The following AP4S1 variants were observed in gnomAD, a reference collection of about 807,000 sequenced individuals.
AP4S1 encodes AP-4 complex subunit sigma-1.
In AP4S1, 23 loss-of-function variants were observed where a neutral mutation model predicts 19.8. The observed-to-expected ratio is 1.16, with a 90% confidence interval of 0.84 to 1.65. The LOEUF (loss-of-function observed/expected upper bound fraction) is 1.65. Among genes scored for constraint, AP4S1 ranks in the 40% most tolerant of loss-of-function variants. AP4S1 has a pLI of 0.00. For missense variants in AP4S1, 166 were observed against 172.8 expected, an observed-to-expected ratio of 0.96 and a Z score of 0.22; for synonymous variants, 46 against 54.1, an observed-to-expected ratio of 0.85 and a Z score of 0.66.
chr14:31,069,846 T>C lies in AP4S1; in HGVS notation c.142T>C (p.Ser48Pro). 1 of 1,610,418 alleles carries C rather than the reference T, an allele frequency of 6.2e-7. No individual in the cohort carries two copies. The highest frequency in any genetic ancestry group is 1.3e-5 in the African/African-American group (1 of 74,954). ...SCLSRSNEQC[S>P]FIEYKDFKLI... Reference sequence around the variant, plus strand: ...TATCTCATTGTGTTTTGTCTAGTGCTCTTTCATTGAATATAAGGATTTTAA... The same window carrying C: ...TATCTCATTGTGTTTTGTCTAGTGCCCTTTCATTGAATATAAGGATTTTAA... Residue 48 changes from serine (S) to proline (P), a missense_variant, in exon 3 of 6, where the codon TCT becomes CCT. Transcript: ENST00000542754.
chr14:31,049,513 A>T (rs1198614667), intron 1 of AP4S1, among the ~76,000 whole-genome samples: 2 of 145,594 alleles, frequency 1.4e-5, no homozygotes, highest in Non-Finnish European at 1.5e-5. Flanking sequence ...ACACACATAA[A>T]TTACCCTCAA....
intron 1 of AP4S1, among the ~76,000 whole-genome samples, chr14:31,055,432 T>C (rs1886052609): frequency 6.6e-6 from 1 of 152,210 alleles, no homozygotes; most frequent in Non-Finnish European, 1.5e-5. Flanking sequence ...CTAGGAATGT[T>C]ACATATCCTA....
At chr14:31,057,209 G>A (rs1307546853) in intron 1 of AP4S1, among the ~76,000 whole-genome samples, 1 of 152,196 alleles carries the variant, frequency 6.6e-6, no homozygotes, top group African/African-American at 2.4e-5. Context: ...CTACATCTCT[G>A]ATCAGTTTTC....
chr14:31,047,451 G>A (rs1377774310), intron 1 of AP4S1, among the ~76,000 whole-genome samples: 3 of 148,688 alleles, frequency 2.0e-5, no homozygotes, highest in African/African-American at 2.5e-5. Context: ...GCAGTGGCGC[G>A]ATCTTGACTC....
At chr14:31,026,442 T>A in intron 1 of AP4S1, 1 of 407,926 alleles carries the variant, frequency 2.5e-6, no homozygotes, top group South Asian at 5.3e-5. Context: ...GGGGGGAGAG[T>A]TGGGAAGGGG....
At chr14:31,033,435 A>T (rs1249574125) in intron 1 of AP4S1, among the ~76,000 whole-genome samples, 43 of 152,054 alleles carry the variant, frequency 2.8e-4, no homozygotes, top group Admixed American at 2.8e-3. Context: ...GCTGGCCTTG[A>T]ACTCCTGACC....
At chr14:31,071,930 T>TTG (rs1887032035) in intron 3 of AP4S1, among the ~76,000 whole-genome samples, 1 of 150,370 alleles carries the variant, frequency 6.7e-6, no homozygotes, top group South Asian at 2.1e-4. Flanking sequence ...TGATTTTTTT[T>TTG]GGGGGGGTGG....
chr14:31,046,872 T>C (rs1594647571), intron 1 of AP4S1, among the ~76,000 whole-genome samples: 1 of 148,916 alleles, frequency 6.7e-6, no homozygotes, highest in East Asian at 2.0e-4. Context: ...AAAGAAGAAG[T>C]AGAATTGCTG....
intron 4 of AP4S1, among the ~76,000 whole-genome samples, chr14:31,074,643 A>T (rs1201067980): frequency 2.6e-5 from 4 of 152,186 alleles, no homozygotes; most frequent in Admixed American, 6.5e-5. Flanking sequence ...ACTGCACTCC[A>T]GCCTGGGCGA....
intron 1 of AP4S1, among the ~76,000 whole-genome samples, chr14:31,046,149 G>T (rs1405047476): frequency 6.6e-6 from 1 of 151,918 alleles, no homozygotes; most frequent in Non-Finnish European, 1.5e-5. Context: ...TAGAGATGGG[G>T]TTTCTCCATG....
chr14:31,074,346 A>C (rs1887229692), intron 4 of AP4S1, among the ~76,000 whole-genome samples: 1 of 146,830 alleles, frequency 6.8e-6, no homozygotes, highest in South Asian at 2.1e-4. Flanking sequence ...TAAATAAATA[A>C]ATAAATAAAT....
At chr14:31,082,827 C>G (rs569750632) in intron 5 of AP4S1, among the ~76,000 whole-genome samples, 1 of 150,652 alleles carries the variant, frequency 6.6e-6, no homozygotes. Flanking sequence ...ACCCGGGAGG[C>G]GGAGCTTGCA....
At chr14:31,044,827 G>C (rs1885298606) in intron 1 of AP4S1, among the ~76,000 whole-genome samples, 1 of 152,012 alleles carries the variant, frequency 6.6e-6, no homozygotes, top group Admixed American at 6.6e-5. Context: ...CATTTCCTAA[G>C]ATGAACCTTG....
chr14:31,046,852 A>G (rs1011754425), intron 1 of AP4S1, among the ~76,000 whole-genome samples: 1 of 151,960 alleles, frequency 6.6e-6, no homozygotes, highest in Non-Finnish European at 1.5e-5. Flanking sequence ...TCTCAAAAAA[A>G]AAAAAAAAAA....
rs11362456 is a variant in AP4S1 at position 31,038,992 on chromosome 14, GTT to G, written c.-72+13218_-72+13219del. 2.4e-3 allele frequency among the ~76,000 whole-genome samples: 344 copies of G among 142,488 alleles called. 1 individual carries two copies. The highest frequency in any genetic ancestry group is 3.5e-3 in the South Asian group (16 of 4,534). The allele number at this position is 142,488 out of a possible 152,430, so 93.5% of individuals were successfully genotyped here. On this transcript the variant is annotated intron_variant, in intron 1 of 5. Transcript: ENST00000542754. ...TGTTTTTGTTTTTTTAAATGTAGAGGTTTTTTTTTTTTTTATTGTTTGCTTGT... is the reference window on the plus strand; with the variant it reads ...TGTTTTTGTTTTTTTAAATGTAGAGGTTTTTTTTTTTTATTGTTTGCTTGT...
intron 5 of AP4S1, chr14:31,085,488 T>C: frequency 1.0e-6 from 1 of 986,098 alleles, no homozygotes; most frequent in Non-Finnish European, 1.2e-6. Flanking sequence ...TAAAGACATC[T>C]TTAGACCGGG....
chr14:31,026,210 G>A (rs1298477191), intron 1 of AP4S1: 4 of 1,391,586 alleles, frequency 2.9e-6, no homozygotes, highest in South Asian at 1.6e-5. Flanking sequence ...CGGCCGGGGC[G>A]CAGGGCGAGA....
chr14:31,077,798 C>T (rs560023528), intron 4 of AP4S1, among the ~76,000 whole-genome samples: 55 of 147,854 alleles, frequency 3.7e-4, no homozygotes, highest in African/African-American at 1.3e-3. Flanking sequence ...TGCAGTGGCG[C>T]GATCTCGGCT....
Position 31,092,887 on chromosome 14 carries a change from T to A in AP4S1, c.307-20T>A, listed in dbSNP as rs759268714. The A allele has an allele frequency of 2.3e-5, 34 of 1,481,318 alleles. No individual in the cohort carries two copies. Among genetic ancestry groups the A allele is most frequent in the Admixed American group, 1.2e-4 (5 of 42,392 alleles). 91.8% of individuals were successfully genotyped at this position (1,481,318 alleles called of 1,614,324 possible). On this transcript the variant is annotated intron_variant, in intron 5 of 5. Coordinates refer to ENST00000542754, the MANE Select transcript of AP4S1 (RefSeq NM_001128126.3). ...TTAATAATTTTTAACTTTAAACTAATTTCCTTAATATAACCGTAGATAATG... is the reference window on the plus strand; with the variant it reads ...TTAATAATTTTTAACTTTAAACTAAATTCCTTAATATAACCGTAGATAATG...
Sources: gnomAD v4.1 joint callset for allele counts (sites outside exome capture counted in the v4.1 genomes callset) on GRCh38, gnomAD v4.1.1 for gene constraint, MANE v1.5 for transcripts, NCBI Gene and HGNC (gene_info 2026-07-23, HGNC 2026-07-21) for gene names.